MAP3K2: variants seen among roughly 807,000 people sequenced by gnomAD.
The protein encoded by MAP3K2 is MAP/ERK kinase kinase 2.
Under a neutral mutation model 80.3 loss-of-function variants are expected in MAP3K2, and 24 were observed. The observed-to-expected ratio is 0.30, with a 90% CI of 0.22 to 0.42. The LOEUF is 0.42. MAP3K2 is among the 10% of genes least tolerant of loss of function. MAP3K2 has a pLI of 1.00. For synonymous variants in MAP3K2, 244 were observed against 253.7 expected (o/e 0.96, Z 0.36); for missense variants, 608 against 750.1 (o/e 0.81, Z 2.21).
intron 1 of MAP3K2, among the ~76,000 whole-genome samples, chr2:127,376,312 G>A (rs1304255757): frequency 7.1e-6 from 1 of 141,288 alleles, no homozygotes; most frequent in African/African-American, 2.5e-5. Flanking sequence ...CTACTGGGGT[G>A]GGAGGGTGGG....
Position 127,343,070 on chromosome 2 carries a change from T to C in MAP3K2, c.4+56A>G, listed in dbSNP as rs571330921. On this transcript the variant is annotated intron_variant, in intron 2 of 16. Coordinates refer to ENST00000682094, the MANE Select transcript of MAP3K2 (RefSeq NM_001371910.2). Reference sequence around the variant, plus strand: ...ATAACACATAATAGAGAAAGTTTTTTCACTTCCATTCTATCCTTTAATTAT... The same window carrying C: ...ATAACACATAATAGAGAAAGTTTTTCCACTTCCATTCTATCCTTTAATTAT... The C allele has an allele frequency of 2.5e-4, 363 of 1,443,796 alleles. 3 individuals carry two copies. In the South Asian group the frequency reaches 4.4e-3, roughly 18 times the overall value. The allele number at this position is 1,443,796 out of a possible 1,614,324, so 89.4% of individuals were successfully genotyped here. A position where few individuals can be genotyped will look rare whatever the true frequency, so the allele number is the denominator to read the frequency against.
chr2:127,375,779 C>T (rs924276196), intron 1 of MAP3K2, among the ~76,000 whole-genome samples: 26 of 152,122 alleles, frequency 1.7e-4, no homozygotes, highest in Non-Finnish European at 1.6e-4. Flanking sequence ...GACAAATACC[C>T]GACCTTCCCA....
rs1282441995 is a variant in MAP3K2, at chr2:127,335,873, G to A, written c.261C>T (p.Asn87=). The part of the protein sequence containing the change: ...GQSMDLHYTN[N]ELVIPLTTQD... Reference sequence around the variant, plus strand: ...AAGTTAAACTGTACATGTTTACCTCGTTATTGGTATAATGTAGATCCATAG... The same window carrying A: ...AAGTTAAACTGTACATGTTTACCTCATTATTGGTATAATGTAGATCCATAG... Residue 87 remains asparagine, a synonymous_variant, in exon 5 of 17, where the codon AAC becomes AAT. Transcript: ENST00000682094. 5.9e-6 allele frequency: 9 copies of A among 1,531,166 alleles called. No homozygotes were observed. Among genetic ancestry groups the A allele is most frequent in the African/African-American group, 2.7e-5 (2 of 73,172 alleles). The allele number at this position is 1,531,166 out of a possible 1,614,324, so 94.8% of individuals were successfully genotyped here. A position where few individuals can be genotyped will look rare whatever the true frequency, so the allele number is the denominator to read the frequency against.
intron 1 of MAP3K2, among the ~76,000 whole-genome samples, chr2:127,344,077 G>C (rs1484073465): frequency 6.6e-6 from 1 of 151,980 alleles, no homozygotes; most frequent in African/African-American, 2.4e-5. Context: ...GTTATTATAA[G>C]ATGTTAACTG....
At position 127,339,021 on chromosome 2, in the gene MAP3K2, G is replaced by A; in HGVS notation, c.34C>T (p.Gln12Ter). 6.2e-7 allele frequency: 1 copy of A among 1,612,020 alleles called. No individual in the cohort carries two copies. Among genetic ancestry groups the A allele is most frequent in the Non-Finnish European group, 8.5e-7 (1 of 1,178,986 alleles). ...GCCTTATGAAGGACAGCCAAATCTT[G>A]CATGATTGAGTTCAAAGCTTGCTGA... ...DDQQALNSIM[Q>*]DLAVLHKASR... is the part of the protein sequence containing the mutation. The change falls in exon 3 of 17, where the codon CAA becomes TAA. Residue 12 changes from glutamine to a stop codon, truncating the protein, a stop_gained. Transcript: ENST00000682094. LOFTEE classifies it high-confidence loss of function. This position sits in a 1 kb window ranked among gnomAD's most constrained non-coding sequence, Gnocchi z 4.2.
intron 1 of MAP3K2, among the ~76,000 whole-genome samples, chr2:127,362,029 C>T (rs866783454): frequency 4.6e-5 from 7 of 152,246 alleles, no homozygotes; most frequent in Middle Eastern, 3.4e-3. Flanking sequence ...CAACTCTAAG[C>T]GGCAAATTGA....
chr2:127,353,385 GC>G lies in MAP3K2; in HGVS notation c.-65-10192del, dbSNP rs781549470. Among the ~76,000 whole-genome samples the G allele has an allele frequency of 2.8e-3, 420 of 151,066 alleles. 1 individual carries two copies. The highest frequency in any genetic ancestry group is 4.3e-3 in the Non-Finnish European group (293 of 67,788). ...GCGAGGTGAGGAGCATCTCCGCCCG[GC>G]CGCCCCATCTGAGAAGTGAGGAGAC... On this transcript the variant is annotated intron_variant, in intron 1 of 16. Coordinates refer to ENST00000682094, the MANE Select transcript of MAP3K2 (RefSeq NM_001371910.2).
chr2:127,328,172 G>T (rs565520472), intron 7 of MAP3K2, among the ~76,000 whole-genome samples: 116 of 152,314 alleles, frequency 7.6e-4, no homozygotes, highest in Non-Finnish European at 1.5e-5. Context: ...TTATTCAGGA[G>T]GCTGAGGCAG....
intron 1 of MAP3K2, among the ~76,000 whole-genome samples, chr2:127,369,232 G>A (rs373239319): frequency 6.6e-6 from 1 of 151,152 alleles, no homozygotes; most frequent in African/African-American, 2.4e-5. Context: ...TTACAGGCAT[G>A]AGCCACCGTG....
intron 9 of MAP3K2, among the ~76,000 whole-genome samples, chr2:127,325,029 G>C (rs1306486268): frequency 6.6e-6 from 1 of 152,106 alleles, no homozygotes; most frequent in Admixed American, 6.5e-5. Context: ...ACATAATCCT[G>C]AACAGGTGAA....
chr2:127,386,168 AC>A, intron 1 of MAP3K2, among the ~76,000 whole-genome samples: 1 of 152,236 alleles, frequency 6.6e-6, no homozygotes, highest in East Asian at 1.9e-4. Context: ...GATTTGTTAA[AC>A]ATTTGCAATT....
chr2:127,385,151 C>T (rs72848628), intron 1 of MAP3K2, among the ~76,000 whole-genome samples: 5,168 of 152,310 alleles, frequency 0.034, 126 homozygotes, highest in Middle Eastern at 0.071. Flanking sequence ...TGTTATCAAA[C>T]AGTATCACAT....
intron 1 of MAP3K2, among the ~76,000 whole-genome samples, chr2:127,349,752 T>C (rs1447091133): frequency 6.6e-6 from 1 of 152,180 alleles, no homozygotes; most frequent in Non-Finnish European, 1.5e-5. Context: ...AACAACTAGC[T>C]GGAATACAAA....
At chr2:127,317,034 G>C (rs1172637030) in intron 14 of MAP3K2, 1 of 142,750 alleles carries the variant, frequency 7.0e-6, no homozygotes, top group Non-Finnish European at 1.5e-5. Flanking sequence ...TGCTACTAGA[G>C]AAATCCATGA....
chr2:127,346,430 A>G (rs1258833587), intron 1 of MAP3K2, among the ~76,000 whole-genome samples: 3 of 150,404 alleles, frequency 2.0e-5, no homozygotes, highest in Non-Finnish European at 3.0e-5. Context: ...AAAAAAAAAA[A>G]AAGAAGGAAC....
chr2:127,306,937 G>A lies in MAP3K2; in HGVS notation c.*642C>T, dbSNP rs1426734154. On this transcript the variant is annotated 3_prime_UTR_variant, in exon 17 of 17. Coordinates refer to ENST00000682094, the MANE Select transcript of MAP3K2 (RefSeq NM_001371910.2). The surrounding 1 kb of genome is among the most constrained non-coding windows in gnomAD (Gnocchi z 4.7). Reference sequence around the variant, plus strand: ...TCCAGTAACGTGGATCTATTATAGTGTATTTGCTTATTATACTGGTTAGGA... The same window carrying A: ...TCCAGTAACGTGGATCTATTATAGTATATTTGCTTATTATACTGGTTAGGA... 6.6e-6 allele frequency: 1 copy of A among 152,290 alleles called. No individual in the cohort carries two copies. The highest frequency in any genetic ancestry group is 2.4e-5 in the African/African-American group (1 of 41,300). 9.4% of individuals were successfully genotyped at this position (152,290 alleles called of 1,614,324 possible). A position where few individuals can be genotyped will look rare whatever the true frequency, so the allele number is the denominator to read the frequency against.
intron 9 of MAP3K2, 84 bp from the exon 10 acceptor site, chr2:127,324,325 T>G: frequency 1.4e-6 from 1 of 740,504 alleles, no homozygotes; most frequent in East Asian, 2.8e-5. Context: ...TCTATATCTA[T>G]CTGTGCCTCT....
intron 1 of MAP3K2, among the ~76,000 whole-genome samples, chr2:127,382,034 G>GCTA (rs996956747): frequency 1.3e-5 from 2 of 152,136 alleles, no homozygotes; most frequent in Non-Finnish European, 2.9e-5. Context: ...AGGTGAGACT[G>GCTA]CTGTAGACTA....
chr2:127,358,537 T>C (rs765509683), intron 1 of MAP3K2, among the ~76,000 whole-genome samples: 4 of 152,208 alleles, frequency 2.6e-5, no homozygotes, highest in Non-Finnish European at 5.9e-5. Flanking sequence ...CTTAAGAAAG[T>C]GAGCAGATAA....
Sources: gnomAD v4.1 joint callset for allele counts (sites outside exome capture counted in the v4.1 genomes callset) on GRCh38, gnomAD v4.1.1 for gene constraint, Gnocchi (gnomAD v3.1) non-coding constraint, MANE v1.5 for transcripts, NCBI Gene and HGNC (gene_info 2026-07-23, HGNC 2026-07-21) for gene names.